GREB1L: variants seen among roughly 807,000 people sequenced by gnomAD.
GREB1L encodes GREB1 like retinoic acid receptor coactivator.
A neutral mutation model predicts 200.8 loss-of-function variants in GREB1L; 17 were observed. The ratio of observed to expected loss-of-function variants is 0.08; its 90% CI spans 0.06 to 0.13. The LOEUF is 0.13. Among genes scored for constraint, GREB1L ranks in the 10% least tolerant of loss-of-function variants. The pLI, the probability that GREB1L is intolerant of heterozygous loss-of-function variation, is 1.00. For synonymous variants in GREB1L, 789 were observed against 893.0 expected (o/e 0.88, Z 2.08); for missense variants, 1,657 against 2,367.7 (o/e 0.70, Z 6.23).
intron 1 of GREB1L, among the ~76,000 whole-genome samples, chr18:21,254,179 C>T (rs1316229388): frequency 6.7e-6 from 1 of 149,056 alleles, no homozygotes; most frequent in South Asian, 2.1e-4. Context: ...AAGCGATTCT[C>T]CTGTCTCAGC....
chr18:21,496,706 C>A lies in GREB1L; in HGVS notation c.3391+8C>A. 6.5e-7 allele frequency: 1 copy of A among 1,550,270 alleles called. No homozygotes were observed. The highest frequency in any genetic ancestry group is 8.7e-7 in the Non-Finnish European group (1 of 1,146,720). Reference sequence around the variant, plus strand: ...CTGTCACAGGGACCTCGGGTCAGTACTTTCTTTTCTCTTTCATGGAGTGAG... The same window carrying A: ...CTGTCACAGGGACCTCGGGTCAGTAATTTCTTTTCTCTTTCATGGAGTGAG... On this transcript the variant is annotated splice_region_variant and intron_variant, in intron 21 of 32. Transcript: ENST00000424526.
chr18:21,514,740 G>A (rs1359049212), intron 28 of GREB1L, among the ~76,000 whole-genome samples: 10 of 152,162 alleles, frequency 6.6e-5, no homozygotes, highest in Admixed American at 5.9e-4. Flanking sequence ...ACGCAGTCAT[G>A]CTTCTTAACT....
intron 1 of GREB1L, among the ~76,000 whole-genome samples, chr18:21,330,598 C>T (rs909906071): frequency 1.3e-5 from 2 of 152,186 alleles, no homozygotes; most frequent in Admixed American, 1.3e-4. Flanking sequence ...TGCTCTGACT[C>T]ATTAGTCCCA....
chr18:21,486,855 T>C (rs1393314963), intron 18 of GREB1L, among the ~76,000 whole-genome samples: 3 of 152,224 alleles, frequency 2.0e-5, no homozygotes, highest in Non-Finnish European at 4.4e-5. Context: ...TTAGTAGCTA[T>C]AGTTCTTAGA....
At chr18:21,349,105 CT>C (rs1027555147) in intron 1 of GREB1L, among the ~76,000 whole-genome samples, 1 of 152,184 alleles carries the variant, frequency 6.6e-6, no homozygotes, top group Non-Finnish European at 1.5e-5. Flanking sequence ...CCTTCCACCC[CT>C]GATTATGTGC....
chr18:21,265,926 CTTAA>C (rs1402147966), intron 1 of GREB1L, among the ~76,000 whole-genome samples: 2 of 152,074 alleles, frequency 1.3e-5, no homozygotes, highest in Non-Finnish European at 2.9e-5. Flanking sequence ...TAAGATCTGG[CTTAA>C]TTTTCTTCCA....
chr18:21,322,344 A>G (rs1041647288), intron 1 of GREB1L, among the ~76,000 whole-genome samples: 1 of 152,190 alleles, frequency 6.6e-6, no homozygotes. Flanking sequence ...GACATCTAGC[A>G]ATACCTAGAG....
chr18:21,381,069 C>A (rs553137449), intron 2 of GREB1L, among the ~76,000 whole-genome samples: 3 of 152,144 alleles, frequency 2.0e-5, no homozygotes, highest in Non-Finnish European at 1.5e-5. Context: ...AGTGAAACAC[C>A]GTCTCTACTA....
rs1385167266 is a variant in GREB1L, at chr18:21,454,459, G to C, written c.2078G>C (p.Ser693Thr). ...SQVCAIADSG[S>T]QSLDLGHFSK... The stretch of plus-strand genomic sequence containing the variant: ...GTGTGTGCTATAGCGGACAGTGGCA[G>C]CCAGAGCCTGGACCTCGGTCACTTC... The change falls in exon 15 of 33, where the codon AGC becomes ACC. Residue 693 changes from serine to threonine, a missense_variant. Physicochemically the swap from Ser to Thr is moderately conservative, Grantham distance 58. This residue lies in a region of GREB1L where 239 missense variants were observed against 421.8 expected (regional missense o/e 0.57). Coordinates refer to ENST00000424526, the MANE Select transcript of GREB1L (RefSeq NM_001142966.3). 3 of 1,551,496 alleles carry C rather than the reference G, an allele frequency of 1.9e-6. No homozygotes were observed. The highest frequency in any genetic ancestry group is 2.6e-6 in the Non-Finnish European group (3 of 1,146,876).
At chr18:21,341,253 TAG>T (rs1430615560) in intron 1 of GREB1L, among the ~76,000 whole-genome samples, 1 of 152,146 alleles carries the variant, frequency 6.6e-6, no homozygotes, top group Non-Finnish European at 1.5e-5. Context: ...CTTGATAGGA[TAG>T]ATACCTGCCA....
intron 2 of GREB1L, among the ~76,000 whole-genome samples, chr18:21,371,516 G>A (rs1330713768): frequency 1.3e-5 from 2 of 150,244 alleles, no homozygotes; most frequent in Non-Finnish European, 3.0e-5. Flanking sequence ...GGCCAGGTGC[G>A]GTGGCTCATG....
intron 1 of GREB1L, among the ~76,000 whole-genome samples, chr18:21,254,712 T>G (rs2037773918): frequency 6.6e-6 from 1 of 152,200 alleles, no homozygotes; most frequent in African/African-American, 2.4e-5. Context: ...CAAGATTCTT[T>G]TGGTCATTCT....
intron 1 of GREB1L, among the ~76,000 whole-genome samples, chr18:21,336,709 C>T (rs1209352763): frequency 6.6e-6 from 1 of 152,188 alleles, no homozygotes; most frequent in African/African-American, 2.4e-5. Flanking sequence ...ATTTCCCTTT[C>T]TGGCATACAC....
In GREB1L at chr18:21,523,854, G is replaced by A. The variant is rs1378310397; in HGVS notation, c.*1033G>A. On this transcript the variant is annotated 3_prime_UTR_variant, in exon 33 of 33. Coordinates refer to ENST00000424526, the MANE Select transcript of GREB1L (RefSeq NM_001142966.3). ...GAAATTGAGCCATAGAAAGAGAAAT[G>A]TTTTTTTACTTAATCTTACCAGTGA... 1 of 152,132 alleles carries A rather than the reference G, an allele frequency of 6.6e-6. No homozygotes were observed. The highest frequency in any genetic ancestry group is 1.5e-5 in the Non-Finnish European group (1 of 68,016). 9.4% of individuals were successfully genotyped at this position (152,132 alleles called of 1,614,324 possible). A position where few individuals can be genotyped will look rare whatever the true frequency, so the allele number is the denominator to read the frequency against.
chr18:21,301,186 G>A (rs2038611787), intron 1 of GREB1L, among the ~76,000 whole-genome samples: 2 of 152,166 alleles, frequency 1.3e-5, no homozygotes, highest in Non-Finnish European at 2.9e-5. Flanking sequence ...TTTATTTCAT[G>A]GCTTCTTAAA....
At chr18:21,313,233 A>G (rs924741863) in intron 1 of GREB1L, among the ~76,000 whole-genome samples, 2 of 152,092 alleles carry the variant, frequency 1.3e-5, no homozygotes, top group African/African-American at 4.8e-5. Flanking sequence ...TAAGAAAGAA[A>G]AATAAGAGCC....
rs112079847 is a variant in GREB1L, at chr18:21,315,979, G to A, written c.-119-50048G>A. On this transcript the variant is annotated intron_variant, in intron 1 of 32. Coordinates refer to ENST00000424526, the MANE Select transcript of GREB1L (RefSeq NM_001142966.3). Reference sequence around the variant, plus strand: ...GTGGGCCTGGGGTGCACACAGTGCTGTGCAGTCTGCCCTCGGGGATAGGCC... The same window carrying A: ...GTGGGCCTGGGGTGCACACAGTGCTATGCAGTCTGCCCTCGGGGATAGGCC... 2.1e-3 allele frequency among the ~76,000 whole-genome samples: 316 copies of A among 152,328 alleles called. 1 individual carries two copies. Among genetic ancestry groups the A allele is most frequent in the African/African-American group, 7.2e-3 (301 of 41,574 alleles).
intron 1 of GREB1L, among the ~76,000 whole-genome samples, chr18:21,270,420 T>C (rs1156489534): frequency 6.6e-6 from 1 of 152,162 alleles, no homozygotes; most frequent in Non-Finnish European, 1.5e-5. Flanking sequence ...GAGGGAAGCC[T>C]GGCTGCCTGC....
chr18:21,264,736 AC>A (rs925803924), intron 1 of GREB1L, among the ~76,000 whole-genome samples: 3 of 129,666 alleles, frequency 2.3e-5, no homozygotes, highest in African/African-American at 8.9e-5. Context: ...TTCAAATCTC[AC>A]TGAGGAATTA....
Sources: gnomAD v4.1 joint callset for allele counts (sites outside exome capture counted in the v4.1 genomes callset) on GRCh38, gnomAD v4.1.1 for gene constraint, gnomAD v4.1.1 regional missense constraint, MANE v1.5 for transcripts, NCBI Gene and HGNC (gene_info 2026-07-23, HGNC 2026-07-21) for gene names.